SEMA6D: variants seen among roughly 807,000 people sequenced by gnomAD.
SEMA6D encodes semaphorin-6D.
Under a neutral mutation model 106.6 loss-of-function variants are expected in SEMA6D, and 35 were observed. The ratio of observed to expected loss-of-function variants is 0.33; its 90% CI spans 0.25 to 0.44. The LOEUF (loss-of-function observed/expected upper bound fraction) is 0.44, where lower values mean the gene tolerates loss of function less well. SEMA6D is among the 20% of genes least tolerant of loss of function. The pLI is 1.00. For synonymous variants in SEMA6D, 499 were observed against 487.7 expected, an observed-to-expected ratio of 1.02 and a Z score of -0.31; for missense variants, 1,185 against 1,345.9, an observed-to-expected ratio of 0.88 and a Z score of 1.87.
At chr15:47,375,529 A>G (rs1214919218) in intron 1 of SEMA6D, among the ~76,000 whole-genome samples, 2 of 151,986 alleles carry the variant, frequency 1.3e-5, no homozygotes, top group African/African-American at 4.8e-5. Context: ...TATAATATTG[A>G]TATGTATCTT....
chr15:47,473,951 C>T (rs185921962), intron 3 of SEMA6D, among the ~76,000 whole-genome samples: 2 of 152,032 alleles, frequency 1.3e-5, no homozygotes, highest in East Asian at 3.9e-4. Flanking sequence ...GCAAGCTCAT[C>T]GGGTTCTGGA....
intron 1 of SEMA6D, among the ~76,000 whole-genome samples, chr15:47,275,515 A>G (rs1159655106): frequency 6.6e-6 from 1 of 151,876 alleles, no homozygotes; most frequent in Non-Finnish European, 1.5e-5. Context: ...CATTATTATT[A>G]TATTTGTTTT....
chr15:47,207,528 G>A (rs1451295933), intron 1 of SEMA6D, among the ~76,000 whole-genome samples: 2 of 152,088 alleles, frequency 1.3e-5, no homozygotes, highest in Non-Finnish European at 2.9e-5. Flanking sequence ...TTATGAATCA[G>A]GCACAAGTCT....
At chr15:47,750,747 AC>A in intron 1 of SEMA6D, among the ~76,000 whole-genome samples, 2 of 152,146 alleles carry the variant, frequency 1.3e-5, no homozygotes, top group East Asian at 3.9e-4. Flanking sequence ...TAACCTGGGA[AC>A]CCACATTCCT....
At chr15:47,316,102 C>CTTTTTTTCTTTTTTTTTTTT (rs1555421413) in intron 1 of SEMA6D, among the ~76,000 whole-genome samples, 2 of 81,484 alleles carry the variant, frequency 2.5e-5, no homozygotes, top group African/African-American at 1.3e-4. Context: ...CATTTATTTC[C>CTTTTTTTCTTTTTTTTTTTT]TTTTTTTTGA....
intron 2 of SEMA6D, among the ~76,000 whole-genome samples, chr15:47,462,983 A>T (rs1282435485): frequency 6.6e-6 from 1 of 152,138 alleles, no homozygotes; most frequent in Non-Finnish European, 1.5e-5. Context: ...CCTGACCATA[A>T]AGAGACGTAG....
At chr15:47,189,767 A>C (rs541131491) in intron 1 of SEMA6D, among the ~76,000 whole-genome samples, 1 of 152,356 alleles carries the variant, frequency 6.6e-6, no homozygotes, top group Non-Finnish European at 1.5e-5. Context: ...TCAAACAGAC[A>C]ATGATAAATA....
At chr15:47,708,668 A>G (rs910150121) in intron 4 of SEMA6D, among the ~76,000 whole-genome samples, 4 of 152,246 alleles carry the variant, frequency 2.6e-5, no homozygotes, top group African/African-American at 7.2e-5. Flanking sequence ...GACAGTAAGG[A>G]TACCAAGACC....
At chr15:47,231,913 A>G (rs896038761) in intron 1 of SEMA6D, among the ~76,000 whole-genome samples, 2 of 152,000 alleles carry the variant, frequency 1.3e-5, no homozygotes, top group Non-Finnish European at 2.9e-5. Context: ...GGCTTTTAGT[A>G]CATTCAAAAT....
intron 1 of SEMA6D, among the ~76,000 whole-genome samples, chr15:47,313,918 G>A (rs2036539568): frequency 6.6e-6 from 1 of 152,230 alleles, no homozygotes; most frequent in Non-Finnish European, 1.5e-5. Context: ...TCAGGTTTAT[G>A]TGTAGACTTA....
intron 3 of SEMA6D, among the ~76,000 whole-genome samples, chr15:47,485,162 A>C (rs78934748): frequency 0.02 from 3,027 of 152,308 alleles, 98 homozygotes; most frequent in African/African-American, 0.069. Flanking sequence ...TATTTGTGTC[A>C]CTATGACTAA....
chr15:47,538,943 A>G (rs2045267317), intron 3 of SEMA6D, among the ~76,000 whole-genome samples: 1 of 152,202 alleles, frequency 6.6e-6, no homozygotes. Context: ...CCTGGTATGA[A>G]GAAGATCTAC....
intron 1 of SEMA6D, among the ~76,000 whole-genome samples, chr15:47,275,918 A>G (rs551612189): frequency 2.4e-4 from 36 of 152,278 alleles, no homozygotes; most frequent in Non-Finnish European, 4.1e-4. Context: ...AAGAAAATTA[A>G]AAGTTCTACT....
At chr15:47,490,457 A>G (rs1339544554) in intron 3 of SEMA6D, among the ~76,000 whole-genome samples, 1 of 152,056 alleles carries the variant, frequency 6.6e-6, no homozygotes, top group African/African-American at 2.4e-5. Flanking sequence ...CAGCCTGGCC[A>G]ATATGGTGAG....
chr15:47,478,967 C>T (rs1473647698), intron 3 of SEMA6D, among the ~76,000 whole-genome samples: 1 of 152,064 alleles, frequency 6.6e-6, no homozygotes, highest in Non-Finnish European at 1.5e-5. Context: ...TTTATTCACT[C>T]TCCCGAGAAC....
Position 47,686,429 on chromosome 15 carries a change from A to G in SEMA6D, c.-54-73316A>G, listed in dbSNP as rs114256451. Among the ~76,000 whole-genome samples, 985 of 152,348 alleles carry G rather than the reference A, an allele frequency of 6.5e-3. 16 individuals carry two copies. The highest frequency in any genetic ancestry group is 0.022 in the African/African-American group (919 of 41,586). ...ACTTCAAAAAATGTTCAAAGGAAAA[A>G]TATATATGATTACATGGTATGACCT... On this transcript the variant is annotated intron_variant, in intron 4 of 19. Transcript: ENST00000558014.
intron 1 of SEMA6D, among the ~76,000 whole-genome samples, chr15:47,303,684 ATTGAGTGAATAAAGAATTGTTAGAC>A (rs778886400): frequency 6.6e-6 from 1 of 152,178 alleles, no homozygotes; most frequent in Non-Finnish European, 1.5e-5. Context: ...TTCTATATTT[ATTGAGTGAATAAAGAATTGTTAGAC>A]TTGGAGGGAG....
chr15:47,628,380 G>A (rs2077238192), intron 4 of SEMA6D, among the ~76,000 whole-genome samples: 1 of 152,010 alleles, frequency 6.6e-6, no homozygotes, highest in African/African-American at 2.4e-5. Context: ...ATTCTGACCA[G>A]CAAGGTATGT....
chr15:47,621,851 T>C (rs147266642), intron 4 of SEMA6D, among the ~76,000 whole-genome samples: 2 of 152,326 alleles, frequency 1.3e-5, no homozygotes, highest in East Asian at 1.9e-4. Flanking sequence ...GTAGTACATA[T>C]AGAAGACATA....
Sources: allele counts gnomAD v4.1 joint callset (sites outside exome capture counted in the v4.1 genomes callset), GRCh38; gene constraint gnomAD v4.1.1; transcripts MANE v1.5; gene names NCBI Gene and HGNC (gene_info 2026-07-23, HGNC 2026-07-21).